Variants in WWOX observed in about 807,000 individuals in gnomAD.
WWOX encodes WW domain-containing oxidoreductase.
A neutral mutation model predicts 46.2 loss-of-function variants in WWOX; 69 were observed. The ratio of observed to expected loss-of-function variants is 1.49; its 90% CI spans 1.23 to 1.82. The LOEUF (loss-of-function observed/expected upper bound fraction) is 1.82. Ranked by LOEUF, WWOX falls within the 40% of genes most tolerant of loss-of-function variation. The pLI, the probability that WWOX is intolerant of heterozygous loss-of-function variation, is 0.00. For synonymous variants in WWOX, 359 were observed against 202.6 expected (o/e 1.77, Z -6.56); for missense variants, 919 against 542.6 (o/e 1.69, Z -6.89).
chr16:78,174,098 C>G (rs148622250), intron 5 of WWOX, among the ~76,000 whole-genome samples: 1 of 152,216 alleles, frequency 6.6e-6, no homozygotes, highest in Non-Finnish European at 1.5e-5. Flanking sequence ...TAGGGTTTCA[C>G]CATAATAATT....
chr16:78,501,443 C>A (rs1412944642), intron 8 of WWOX, among the ~76,000 whole-genome samples: 4 of 151,956 alleles, frequency 2.6e-5, no homozygotes, highest in Non-Finnish European at 5.9e-5. Flanking sequence ...GCTCACCCAG[C>A]TTTTCTTTAA....
chr16:78,144,396 A>G (rs1254311615), intron 4 of WWOX, among the ~76,000 whole-genome samples: 1 of 126,960 alleles, frequency 7.9e-6, no homozygotes, highest in Non-Finnish European at 1.6e-5. Flanking sequence ...CTGATGTTTT[A>G]TTAGGGTGGT....
chr16:78,717,533 G>A (rs753100934), intron 8 of WWOX, among the ~76,000 whole-genome samples: 13 of 152,210 alleles, frequency 8.5e-5, no homozygotes, highest in Admixed American at 4.6e-4. Flanking sequence ...TGCTGTGAAG[G>A]ATGTGATTTG....
intron 8 of WWOX, among the ~76,000 whole-genome samples, chr16:78,938,338 A>C (rs770812282): frequency 1.5e-4 from 23 of 152,176 alleles, no homozygotes; most frequent in Admixed American, 7.9e-4. Flanking sequence ...TTGGCCTCCA[A>C]GTTGGAACCC....
chr16:78,841,256 C>G (rs1377589862), intron 8 of WWOX, among the ~76,000 whole-genome samples: 3 of 152,160 alleles, frequency 2.0e-5, no homozygotes, highest in Non-Finnish European at 4.4e-5. Context: ...TCAATACCAT[C>G]TTGAAACATC....
intron 8 of WWOX, among the ~76,000 whole-genome samples, chr16:78,471,557 A>C (rs1265490079): frequency 6.6e-6 from 1 of 152,194 alleles, no homozygotes; most frequent in African/African-American, 2.4e-5. Context: ...TACATCCTCC[A>C]TGAAATCTCT....
At chr16:79,189,539 G>A (rs931018362) in intron 8 of WWOX, among the ~76,000 whole-genome samples, 4 of 151,330 alleles carry the variant, frequency 2.6e-5, no homozygotes, top group South Asian at 2.1e-4. Flanking sequence ...AGCTTCAAGC[G>A]ATCCTCCTAC....
chr16:78,353,369 G>T (rs567835785), intron 5 of WWOX, among the ~76,000 whole-genome samples: 1 of 152,268 alleles, frequency 6.6e-6, no homozygotes, highest in African/African-American at 2.4e-5. Flanking sequence ...GCCACAGCTG[G>T]GCTGAAGAGT....
At chr16:78,952,525 G>A (rs1193162742) in intron 8 of WWOX, among the ~76,000 whole-genome samples, 1 of 151,940 alleles carries the variant, frequency 6.6e-6, no homozygotes, top group Non-Finnish European at 1.5e-5. Flanking sequence ...TGGGATTACA[G>A]GCATGTACCA....
chr16:78,571,937 T>A (rs1251190446), intron 8 of WWOX, among the ~76,000 whole-genome samples: 1 of 152,150 alleles, frequency 6.6e-6, no homozygotes, highest in Non-Finnish European at 1.5e-5. Context: ...AAACGTTAAG[T>A]ACTAAGGTCA....
chr16:78,937,929 T>G (rs185076156), intron 8 of WWOX, among the ~76,000 whole-genome samples: 20 of 152,170 alleles, frequency 1.3e-4, no homozygotes, highest in Non-Finnish European at 2.4e-4. Context: ...TGTGTGGCTA[T>G]AGAACTTTTT....
At chr16:78,727,996 A>G (rs2048875724) in intron 8 of WWOX, among the ~76,000 whole-genome samples, 1 of 150,652 alleles carries the variant, frequency 6.6e-6, no homozygotes, top group Non-Finnish European at 1.5e-5. Flanking sequence ...TTTATAAGTA[A>G]GAAACCTATT....
intron 8 of WWOX, among the ~76,000 whole-genome samples, chr16:79,143,076 G>A (rs1479670062): frequency 6.6e-6 from 1 of 152,110 alleles, no homozygotes; most frequent in African/African-American, 2.4e-5. Context: ...GCTCATAGAA[G>A]TTTAAGGTTC....
intron 8 of WWOX, among the ~76,000 whole-genome samples, chr16:78,727,735 TG>T (rs1164130004): frequency 1.3e-5 from 2 of 152,060 alleles, no homozygotes; most frequent in Non-Finnish European, 2.9e-5. Flanking sequence ...ACTTTGGACT[TG>T]GGGATTGGAC....
intron 8 of WWOX, among the ~76,000 whole-genome samples, chr16:78,546,013 G>C (rs1289625219): frequency 1.3e-5 from 2 of 152,132 alleles, no homozygotes; most frequent in Non-Finnish European, 2.9e-5. Flanking sequence ...AATTTGAGGG[G>C]GACGCAGTTT....
chr16:78,713,657 C>A (rs565229424), intron 8 of WWOX, among the ~76,000 whole-genome samples: 12 of 152,174 alleles, frequency 7.9e-5, no homozygotes, highest in Non-Finnish European at 1.5e-4. Flanking sequence ...GCAAAAGACA[C>A]ATTGAGGAGG....
At position 78,364,893 on chromosome 16, in the gene WWOX, T is replaced by C. The variant is rs74027874; in HGVS notation, c.517-21967T>C. 6.1e-3 allele frequency among the ~76,000 whole-genome samples: 932 copies of C among 152,324 alleles called. 13 individuals are homozygous for C. The highest frequency in any genetic ancestry group is 0.02 in the African/African-American group (827 of 41,568). On this transcript the variant is annotated intron_variant, in intron 5 of 8. Coordinates refer to ENST00000566780, the MANE Select transcript of WWOX (RefSeq NM_016373.4). ...GCCTTTTTCTGATTTTTCTTGTCTT[T>C]ATCCCATTCTGTCTAGGTACCTGGA...
intron 4 of WWOX, among the ~76,000 whole-genome samples, chr16:78,133,216 G>A (rs367609498): frequency 1.5e-4 from 23 of 152,180 alleles, no homozygotes; most frequent in East Asian, 1.4e-3. Flanking sequence ...CCTTATCCGC[G>A]TGTTATGTTT....
chr16:78,923,861 G>A (rs867197518), intron 8 of WWOX, among the ~76,000 whole-genome samples: 10 of 144,412 alleles, frequency 6.9e-5, no homozygotes, highest in Admixed American at 3.5e-4. Context: ...GTGCAGTGGC[G>A]CGATCTCGGT....
Sources: gnomAD v4.1 joint callset for allele counts (sites outside exome capture counted in the v4.1 genomes callset) on GRCh38, gnomAD v4.1.1 for gene constraint, MANE v1.5 for transcripts, NCBI Gene and HGNC (gene_info 2026-07-23, HGNC 2026-07-21) for gene names.